The following HS3ST5 variants were observed in gnomAD, a reference collection of about 807,000 sequenced individuals.
The protein encoded by HS3ST5 is heparan sulfate-glucosamine 3-sulfotransferase 5.
HS3ST5 carries 10 observed loss-of-function variants against 25.4 expected under a neutral mutation model. The ratio of observed to expected loss-of-function variants is 0.39; its 90% CI spans 0.24 to 0.67. The LOEUF (loss-of-function observed/expected upper bound fraction) is 0.67, where lower values mean the gene tolerates loss of function less well. Among genes scored for constraint, HS3ST5 ranks in the 30% least tolerant of loss-of-function variants. The pLI is 0.44. For synonymous variants in HS3ST5, 170 were observed against 162.4 expected (o/e 1.05, Z -0.36); for missense variants, 324 against 420.7 (o/e 0.77, Z 2.01).
chr6:114,172,296 G>A (rs111574636), intron 2 of HS3ST5, among the ~76,000 whole-genome samples: 10 of 152,226 alleles, frequency 6.6e-5, no homozygotes, highest in East Asian at 3.9e-4. Context: ...CGATATCCCC[G>A]CTCAAGAGCT....
chr6:114,083,328 C>T (rs1294722256), intron 3 of HS3ST5, among the ~76,000 whole-genome samples: 1 of 152,098 alleles, frequency 6.6e-6, no homozygotes, highest in Non-Finnish European at 1.5e-5. Context: ...GGCAGTTTTA[C>T]AAATTAGGTA....
chr6:114,302,111 T>C (rs978962181), intron 1 of HS3ST5, among the ~76,000 whole-genome samples: 12 of 152,178 alleles, frequency 7.9e-5, no homozygotes, highest in African/African-American at 2.9e-4. Flanking sequence ...CTTGCCAAAC[T>C]GGCAGCCTAC....
intron 2 of HS3ST5, among the ~76,000 whole-genome samples, chr6:114,216,493 C>G (rs1258081381): frequency 2.0e-5 from 3 of 152,130 alleles, no homozygotes; most frequent in Non-Finnish European, 4.4e-5. Flanking sequence ...AGAACAATTC[C>G]ACTCATCAAC....
At chr6:114,125,271 A>C (rs9488328) in intron 3 of HS3ST5, among the ~76,000 whole-genome samples, 1 of 152,086 alleles carries the variant, frequency 6.6e-6, no homozygotes, top group Admixed American at 6.6e-5. Flanking sequence ...ATACAACTTA[A>C]AAACTTTTAT....
chr6:114,235,463 C>T (rs1771812862), intron 1 of HS3ST5, among the ~76,000 whole-genome samples: 1 of 151,056 alleles, frequency 6.6e-6, no homozygotes, highest in African/African-American at 2.4e-5. Context: ...AAATGAGTGA[C>T]AGAAGAGTCT....
intron 2 of HS3ST5, among the ~76,000 whole-genome samples, chr6:114,219,519 A>G (rs1781931523): frequency 6.6e-6 from 1 of 152,188 alleles, no homozygotes; most frequent in African/African-American, 2.4e-5. Flanking sequence ...AAACATTTCC[A>G]AGGACATCAC....
intron 1 of HS3ST5, among the ~76,000 whole-genome samples, chr6:114,286,179 T>C (rs982449170): frequency 1.3e-5 from 2 of 151,950 alleles, no homozygotes; most frequent in Non-Finnish European, 1.5e-5. Context: ...AGAAAAAAAT[T>C]AATAAAATGG....
chr6:114,094,599 A>T (rs892630744), intron 3 of HS3ST5, among the ~76,000 whole-genome samples: 1 of 152,216 alleles, frequency 6.6e-6, no homozygotes, highest in Non-Finnish European at 1.5e-5. Flanking sequence ...TATAATAACG[A>T]TCCAAGTTAT....
intron 3 of HS3ST5, among the ~76,000 whole-genome samples, chr6:114,070,127 C>T (rs912186787): frequency 6.6e-6 from 1 of 152,086 alleles, no homozygotes; most frequent in Non-Finnish European, 1.5e-5. Context: ...TCCCCAAAGT[C>T]CATTCTATCA....
At chr6:114,197,137 T>C (rs552384117) in intron 2 of HS3ST5, among the ~76,000 whole-genome samples, 1 of 151,608 alleles carries the variant, frequency 6.6e-6, no homozygotes, top group African/African-American at 2.4e-5. Context: ...TCTTTTTTTT[T>C]TTTTGTTGTT....
Position 114,071,396 on chromosome 6 carries a change from GTCTT to G in HS3ST5, c.-32-8523_-32-8520del, listed in dbSNP as rs532062601. Among the ~76,000 whole-genome samples the G allele has an allele frequency of 6.2e-4, 94 of 152,306 alleles. 1 individual carries two copies. In the South Asian group the frequency reaches 7.7e-3, roughly 12 times the overall value. On this transcript the variant is annotated intron_variant, in intron 3 of 4. Transcript: ENST00000312719. Reference sequence around the variant, plus strand: ...CACTGCTCTCAGATTCCTTGGGAAAGTCTTTCTTGATCATTTAGGGCTGGTTTAG... The same window carrying G: ...CACTGCTCTCAGATTCCTTGGGAAAGTCTTGATCATTTAGGGCTGGTTTAG...
intron 2 of HS3ST5, among the ~76,000 whole-genome samples, chr6:114,223,292 C>A (rs1437908202): frequency 6.6e-6 from 1 of 151,728 alleles, no homozygotes; most frequent in Non-Finnish European, 1.5e-5. Context: ...GCATTTATCA[C>A]AAATGGGTAT....
chr6:114,127,106 A>G (rs955264137), intron 3 of HS3ST5, among the ~76,000 whole-genome samples: 1 of 152,132 alleles, frequency 6.6e-6, no homozygotes, highest in Non-Finnish European at 1.5e-5. Flanking sequence ...AAACCTCTTT[A>G]AAATAGAAAT....
intron 1 of HS3ST5, among the ~76,000 whole-genome samples, chr6:114,272,067 T>A (rs1387478010): frequency 1.3e-5 from 2 of 152,186 alleles, no homozygotes; most frequent in Admixed American, 1.3e-4. Flanking sequence ...ATTTATTTAA[T>A]TTTTTGAACA....
intron 2 of HS3ST5, among the ~76,000 whole-genome samples, chr6:114,174,860 G>A (rs949440157): frequency 6.6e-5 from 10 of 152,098 alleles, no homozygotes; most frequent in African/African-American, 2.2e-4. Flanking sequence ...GGGCATGGTG[G>A]CTTGCATCTG....
intron 2 of HS3ST5, among the ~76,000 whole-genome samples, chr6:114,209,365 C>T (rs73540383): frequency 0.07 from 10,541 of 150,128 alleles, 421 homozygotes; most frequent in African/African-American, 0.084. Flanking sequence ...TTTTTTATAC[C>T]TTCTTTTTTT....
chr6:114,276,795 G>A (rs1773876099), intron 1 of HS3ST5, among the ~76,000 whole-genome samples: 1 of 151,892 alleles, frequency 6.6e-6, no homozygotes, highest in Admixed American at 6.6e-5. Flanking sequence ...TATTTTTCAA[G>A]CATATGCATT....
At chr6:114,340,623 G>A (rs1373706582) in intron 1 of HS3ST5, 2 of 152,144 alleles carry the variant, frequency 1.3e-5, no homozygotes, top group Non-Finnish European at 2.9e-5. Flanking sequence ...AAGGTAAGTA[G>A]TATTGTTTTC....
chr6:114,324,667 T>TTGCCTC (rs1562276366), intron 1 of HS3ST5, among the ~76,000 whole-genome samples: 1 of 152,222 alleles, frequency 6.6e-6, no homozygotes, highest in African/African-American at 2.4e-5. Context: ...CCAAAGCCTA[T>TTGCCTC]TTCAATTTAT....
Sources: gnomAD v4.1 joint callset for allele counts (sites outside exome capture counted in the v4.1 genomes callset) on GRCh38, gnomAD v4.1.1 for gene constraint, MANE v1.5 for transcripts, NCBI Gene and HGNC (gene_info 2026-07-23, HGNC 2026-07-21) for gene names.